Variants in SVIL observed in about 807,000 individuals in gnomAD.
SVIL encodes archvillin.
Under a neutral mutation model 240.4 loss-of-function variants are expected in SVIL, and 101 were observed. The observed-to-expected ratio is 0.42, with a 90% CI of 0.36 to 0.50. The LOEUF (loss-of-function observed/expected upper bound fraction) is 0.50, where lower values mean the gene tolerates loss of function less well. Ranked by LOEUF, SVIL falls within the 20% of genes least tolerant of loss-of-function variation. SVIL has a pLI of 0.01. For synonymous variants in SVIL, 999 were observed against 1,100.0 expected, an observed-to-expected ratio of 0.91 and a Z score of 1.82; for missense variants, 2,512 against 2,818.7, an observed-to-expected ratio of 0.89 and a Z score of 2.46.
chr10:29,512,932 G>C, intron 16 of SVIL, 71 bp from the exon 17 acceptor site: 1 of 1,550,688 alleles, frequency 6.4e-7, no homozygotes, highest in Non-Finnish European at 8.7e-7. Flanking sequence ...CCATAATCTA[G>C]GTAAGAGAGG....
chr10:29,608,622 C>T (rs1957116155), intron 1 of SVIL, among the ~76,000 whole-genome samples: 1 of 152,256 alleles, frequency 6.6e-6, no homozygotes, highest in African/African-American at 2.4e-5. Context: ...CAGTGCGAAG[C>T]AAAGTTGTGG....
chr10:29,612,470 C>T (rs540419916), intron 1 of SVIL, among the ~76,000 whole-genome samples: 1 of 152,178 alleles, frequency 6.6e-6, no homozygotes, highest in South Asian at 2.1e-4. Context: ...ATAGGGGAAT[C>T]ACTTGCACGC....
chr10:29,720,903 G>A (rs568467357), intron 1 of SVIL, among the ~76,000 whole-genome samples: 2 of 152,300 alleles, frequency 1.3e-5, no homozygotes, highest in South Asian at 4.1e-4. Flanking sequence ...CTGGAGTGTA[G>A]TGGTGTGATC....
intron 36 of SVIL, among the ~76,000 whole-genome samples, chr10:29,460,325 ATTAT>A (rs1944097368): frequency 6.6e-6 from 1 of 152,114 alleles, no homozygotes; most frequent in African/African-American, 2.4e-5. Flanking sequence ...CTGAATGTTA[ATTAT>A]TTGTATAACT....
intron 1 of SVIL, among the ~76,000 whole-genome samples, chr10:29,701,373 A>T (rs539302156): frequency 1.3e-5 from 2 of 152,322 alleles, no homozygotes; most frequent in African/African-American, 4.8e-5. Context: ...TTCCATCTGC[A>T]GCCAGCTTCA....
intron 1 of SVIL, among the ~76,000 whole-genome samples, chr10:29,613,617 C>T (rs767536065): frequency 2.0e-5 from 3 of 152,114 alleles, no homozygotes; most frequent in Admixed American, 6.6e-5. Context: ...GGATTACAGG[C>T]GTGGGGCCTG....
intron 1 of SVIL, among the ~76,000 whole-genome samples, chr10:29,569,694 T>C (rs890497001): frequency 9.2e-5 from 14 of 152,216 alleles, no homozygotes; most frequent in African/African-American, 3.1e-4. Context: ...GAGGAGAAAC[T>C]AAGCAATTTT....
At chr10:29,540,619 T>C (rs1952075389) in intron 6 of SVIL, among the ~76,000 whole-genome samples, 1 of 152,142 alleles carries the variant, frequency 6.6e-6, no homozygotes, top group Non-Finnish European at 1.5e-5. Flanking sequence ...TTCCACATTC[T>C]GGAAAATGGC....
intron 2 of SVIL, among the ~76,000 whole-genome samples, chr10:29,679,982 A>T (rs1403841037): frequency 1.3e-5 from 2 of 152,050 alleles, no homozygotes; most frequent in African/African-American, 4.8e-5. Context: ...CAGGAGTTCG[A>T]GACCCTCGGC....
At chr10:29,644,217 T>A (rs1181817173) in intron 3 of SVIL, among the ~76,000 whole-genome samples, 4 of 152,170 alleles carry the variant, frequency 2.6e-5, no homozygotes, top group Admixed American at 2.6e-4. Context: ...TTCCCTGCTG[T>A]TGTTGACATC....
In SVIL at chr10:29,467,755, A is replaced by G. The variant is rs760547615; in HGVS notation, c.5964T>C (p.Asp1988=). 35 of 1,613,980 alleles carry G rather than the reference A, an allele frequency of 2.2e-5. No individual in the cohort carries two copies. Among genetic ancestry groups the G allele is most frequent in the African/African-American group, 1.6e-4 (12 of 74,902 alleles). The stretch of plus-strand genomic sequence containing the variant: ...ATGCCACATTACCTTGAAGCATGCA[A>G]TCGTAGGCTTTCCTGTCTCTCCTTC... ...ALGRRDRKAY[D]CMLQDPGSFN... is the part of the protein sequence containing the mutation. The change falls in exon 33 of 38, where the codon GAT becomes GAC. Residue 1988 remains aspartate (D), a synonymous_variant. Transcript: ENST00000355867.
intron 1 of SVIL, among the ~76,000 whole-genome samples, chr10:29,694,712 G>A (rs575956796): frequency 2.6e-5 from 4 of 152,210 alleles, no homozygotes; most frequent in African/African-American, 9.6e-5. Flanking sequence ...CTTCCACCTC[G>A]GCCTCCCAAA....
chr10:29,706,864 C>G (rs1025690614), intron 1 of SVIL, among the ~76,000 whole-genome samples: 3 of 152,300 alleles, frequency 2.0e-5, no homozygotes, highest in African/African-American at 4.8e-5. Context: ...TATGGCTAGC[C>G]AGTTTTCCCA....
At chr10:29,709,882 C>T (rs1963157627) in intron 1 of SVIL, among the ~76,000 whole-genome samples, 3 of 152,074 alleles carry the variant, frequency 2.0e-5, no homozygotes, top group African/African-American at 7.2e-5. Context: ...GGCGGTATCC[C>T]ACATGGGCTA....
In SVIL at chr10:29,643,811, C is replaced by G. The variant is rs554541194; in HGVS notation, c.-201+14158G>C. Among the ~76,000 whole-genome samples the G allele has an allele frequency of 4.6e-5, 7 of 152,272 alleles. No individual in the cohort carries two copies. In the East Asian group the frequency reaches 1.4e-3, roughly 29 times the overall value. ...CTTGAACCACTGATGAGCCAGCCAA[C>G]TTTTCTCTCCCGGGCTGTAGCTTCA... On this transcript the variant is annotated intron_variant, in intron 3 of 35. Transcript: ENST00000375400.
At chr10:29,602,729 T>C (rs1956863484) in intron 1 of SVIL, among the ~76,000 whole-genome samples, 1 of 152,252 alleles carries the variant, frequency 6.6e-6, no homozygotes, top group Non-Finnish European at 1.5e-5. Context: ...CTCACGCCTG[T>C]AATCCCAGCA....
chr10:29,674,080 G>C (rs1160641311), intron 2 of SVIL, among the ~76,000 whole-genome samples: 1 of 152,044 alleles, frequency 6.6e-6, no homozygotes, highest in Non-Finnish European at 1.5e-5. Flanking sequence ...CCTGTAATGA[G>C]AGCATTTTGG....
At chr10:29,691,745 C>A (rs528393192) in intron 1 of SVIL, among the ~76,000 whole-genome samples, 9 of 152,228 alleles carry the variant, frequency 5.9e-5, no homozygotes, top group African/African-American at 2.2e-4. Flanking sequence ...GGACAACAAA[C>A]CCCCCATCTA....
intron 3 of SVIL, among the ~76,000 whole-genome samples, chr10:29,647,985 A>AC (rs372164408): frequency 1.4e-5 from 2 of 147,574 alleles, no homozygotes; most frequent in Admixed American, 6.8e-5. Context: ...AAAAAAAAAA[A>AC]CAAAAAAAAT....
Sources: gnomAD v4.1 joint callset for allele counts (sites outside exome capture counted in the v4.1 genomes callset) on GRCh38, gnomAD v4.1.1 for gene constraint, MANE v1.5 for transcripts, NCBI Gene and HGNC (gene_info 2026-07-23, HGNC 2026-07-21) for gene names.